WDR20: variants seen among roughly 807,000 people sequenced by gnomAD.
WDR20 encodes WD repeat-containing protein 20.
WDR20 carries 3 observed loss-of-function variants against 38.7 expected under a neutral mutation model. That is an observed-to-expected ratio of 0.08 (90% confidence interval 0.04 to 0.20). The LOEUF (loss-of-function observed/expected upper bound fraction) is 0.20. Ranked by LOEUF, WDR20 falls within the 10% of genes least tolerant of loss-of-function variation. WDR20 has a pLI of 1.00. For missense variants in WDR20, 559 were observed against 727.7 expected (o/e 0.77, Z 2.67); for synonymous variants, 298 against 285.6 (o/e 1.04, Z -0.44).
At chr14:102,224,643 A>G (rs1217887171), downstream of WDR20, 1 of 456,014 alleles carries the variant, frequency 2.2e-6, no homozygotes, top group Admixed American at 2.3e-5. Context: ...ATTTGTATGA[A>G]TGCAGCCACG....
chr14:102,207,064 G>A lies in WDR20; in HGVS notation c.433-1539G>A, dbSNP rs2061671435. ...AGGCAGGAGGATAAAGAGGAGGTGG[G>A]GGATGAAAATACTGGCTGTGTCCCC... is the stretch of plus-strand genomic sequence containing the variant. On this transcript the variant is annotated intron_variant, in intron 2 of 2. Transcript: ENST00000342702. The surrounding 1 kb of genome is among the most constrained non-coding windows in gnomAD (Gnocchi z 5.0). Among the ~76,000 whole-genome samples, 1 of 152,222 alleles carries A rather than the reference G, an allele frequency of 6.6e-6. No individual in the cohort carries two copies. The highest frequency in any genetic ancestry group is 2.1e-4 in the South Asian group (1 of 4,830).
At chr14:102,141,715 G>T (rs935755861) in intron 1 of WDR20, among the ~76,000 whole-genome samples, 2 of 152,096 alleles carry the variant, frequency 1.3e-5, no homozygotes, top group Admixed American at 6.6e-5. Flanking sequence ...CTCAGTAGAT[G>T]TAAAATATAG....
At chr14:102,173,124 A>G (rs940959468) in intron 1 of WDR20, among the ~76,000 whole-genome samples, 2 of 150,934 alleles carry the variant, frequency 1.3e-5, no homozygotes, top group African/African-American at 2.4e-5. Flanking sequence ...TTTTATTTTT[A>G]TTTTTTTGGA....
chr14:102,144,553 G>A (rs750246319), intron 1 of WDR20, among the ~76,000 whole-genome samples: 1 of 151,534 alleles, frequency 6.6e-6, no homozygotes, highest in African/African-American at 2.4e-5. Flanking sequence ...TGGGCTTATT[G>A]GACCAATCCT....
intron 1 of WDR20, among the ~76,000 whole-genome samples, chr14:102,187,847 TG>T (rs1046405652): frequency 5.3e-5 from 8 of 152,058 alleles, no homozygotes; most frequent in Non-Finnish European, 1.0e-4. Flanking sequence ...TAAAGCTGGT[TG>T]GGGTGGGGCT....
downstream of WDR20, among the ~76,000 whole-genome samples, chr14:102,216,955 T>TC (rs939839246): frequency 3.3e-4 from 50 of 152,228 alleles, 1 homozygote; most frequent in African/African-American, 1.2e-3. Flanking sequence ...TAGCCATTTC[T>TC]CCATGTGTGG....
chr14:102,198,700 T>C (rs1254910467), intron 2 of WDR20, among the ~76,000 whole-genome samples: 1 of 152,212 alleles, frequency 6.6e-6, no homozygotes, highest in African/African-American at 2.4e-5. Context: ...ACGGGATTCC[T>C]TAGAAGGGAG....
intron 1 of WDR20, among the ~76,000 whole-genome samples, chr14:102,144,796 C>G (rs756628171): frequency 6.6e-6 from 1 of 151,994 alleles, no homozygotes; most frequent in Non-Finnish European, 1.5e-5. Context: ...CTCTGCCGCC[C>G]GGGCCCAAGT....
intron 1 of WDR20, among the ~76,000 whole-genome samples, chr14:102,186,175 C>A (rs755842067): frequency 1.3e-5 from 2 of 152,180 alleles, no homozygotes; most frequent in Non-Finnish European, 2.9e-5. Flanking sequence ...GCCAACTGTT[C>A]AGATACGTTG....
At chr14:102,168,964 A>G (rs1393866442) in intron 1 of WDR20, among the ~76,000 whole-genome samples, 1 of 152,216 alleles carries the variant, frequency 6.6e-6, no homozygotes, top group African/African-American at 2.4e-5. Context: ...AGGTCAGATC[A>G]TATTCTTCGC....
At chr14:102,139,856 C>A, upstream of WDR20, 1 of 1,579,094 alleles carries the variant, frequency 6.3e-7, no homozygotes, top group Non-Finnish European at 8.6e-7. Flanking sequence ...AGAGGGAGCA[C>A]CAGGAACAGC....
intron 1 of WDR20, among the ~76,000 whole-genome samples, chr14:102,147,824 G>A (rs1365315544): frequency 3.3e-5 from 5 of 152,154 alleles, no homozygotes; most frequent in African/African-American, 7.2e-5. Context: ...TCTGCCTCCC[G>A]GGTTCAAGCC....
intron 1 of WDR20, among the ~76,000 whole-genome samples, chr14:102,168,118 C>T (rs2060112340): frequency 6.6e-6 from 1 of 152,162 alleles, no homozygotes; most frequent in Admixed American, 6.5e-5. Context: ...CCCCCACTTC[C>T]CATACATCTC....
At chr14:102,170,107 A>G (rs998315433) in intron 1 of WDR20, among the ~76,000 whole-genome samples, 1 of 152,222 alleles carries the variant, frequency 6.6e-6, no homozygotes, top group Non-Finnish European at 1.5e-5. Context: ...AAACTTTAGC[A>G]TCTGCACTGT....
At chr14:102,216,206 T>C (rs746633647), downstream of WDR20, among the ~76,000 whole-genome samples, 1 of 152,176 alleles carries the variant, frequency 6.6e-6, no homozygotes, top group African/African-American at 2.4e-5. Flanking sequence ...GTCTGGGCTG[T>C]CAAAGCGGAG....
At chr14:102,192,426 G>A (rs746775914) in intron 1 of WDR20, among the ~76,000 whole-genome samples, 10 of 152,076 alleles carry the variant, frequency 6.6e-5, no homozygotes, top group Non-Finnish European at 1.3e-4. Flanking sequence ...TGATCCACCC[G>A]CCTCAGCCTC....
chr14:102,207,711 G>T lies in WDR20; in HGVS notation c.433-892G>T, dbSNP rs568268806. 7.9e-5 allele frequency among the ~76,000 whole-genome samples: 12 copies of T among 152,220 alleles called. No individual in the cohort carries two copies. Among genetic ancestry groups the T allele is most frequent in the African/African-American group, 2.9e-4 (12 of 41,460 alleles). On this transcript the variant is annotated intron_variant, in intron 2 of 2. Coordinates refer to ENST00000342702, the MANE Select transcript of WDR20 (RefSeq NM_144574.4). This position sits in a 1 kb window ranked among gnomAD's most constrained non-coding sequence, Gnocchi z 5.0. The stretch of plus-strand genomic sequence containing the variant: ...GGACCGCCCCTGTGGAAGGTGTTGC[G>T]CTGGCATCCCCATCACAGGATTGAT...
intron 1 of WDR20, among the ~76,000 whole-genome samples, chr14:102,162,303 C>A (rs2058914937): frequency 2.0e-5 from 3 of 152,118 alleles, no homozygotes; most frequent in Non-Finnish European, 4.4e-5. Context: ...TTAAACCTGT[C>A]TTTCCTTTGC....
intron 1 of WDR20, among the ~76,000 whole-genome samples, chr14:102,169,620 C>G (rs565596248): frequency 1.3e-5 from 2 of 152,090 alleles, no homozygotes; most frequent in African/African-American, 2.4e-5. Flanking sequence ...CTCTGCCTCC[C>G]GGGTTCAAGT....
Sources: allele counts gnomAD v4.1 joint callset (sites outside exome capture counted in the v4.1 genomes callset), GRCh38; gene constraint gnomAD v4.1.1; non-coding constraint Gnocchi (gnomAD v3.1); transcripts MANE v1.5; gene names NCBI Gene and HGNC (gene_info 2026-07-23, HGNC 2026-07-21).